The following ADGRF5 variants were observed in gnomAD, a reference collection of about 807,000 sequenced individuals.
ADGRF5 encodes the protein G-protein coupled receptor 116.
A neutral mutation model predicts 132.3 loss-of-function variants in ADGRF5; 75 were observed. The ratio of observed to expected loss-of-function variants is 0.57; its 90% CI spans 0.47 to 0.69. The LOEUF (loss-of-function observed/expected upper bound fraction) is 0.69, where lower values mean the gene tolerates loss of function less well. ADGRF5 is among the 30% of genes least tolerant of loss of function. The pLI is 0.00. For missense variants in ADGRF5, 1,516 were observed against 1,630.6 expected (o/e 0.93, Z 1.21); for synonymous variants, 629 against 597.6 (o/e 1.05, Z -0.77).
chr6:46,920,534 G>GTA (rs1335552137), intron 1 of ADGRF5, among the ~76,000 whole-genome samples: 2 of 100,868 alleles, frequency 2.0e-5, no homozygotes, highest in East Asian at 7.7e-4. Context: ...TTTGGGGGGG[G>GTA]GGAAGAGAGT....
intron 1 of ADGRF5, among the ~76,000 whole-genome samples, chr6:46,938,813 C>T (rs1161066729): frequency 2.6e-5 from 4 of 152,140 alleles, no homozygotes; most frequent in Admixed American, 1.3e-4. Flanking sequence ...TGTTCTACCA[C>T]AGAGTCCTTC....
intron 13 of ADGRF5, among the ~76,000 whole-genome samples, chr6:46,865,571 C>A (rs1217878728): frequency 6.6e-6 from 1 of 152,212 alleles, no homozygotes; most frequent in Non-Finnish European, 1.5e-5. Context: ...CTAGACCATA[C>A]GCTCCTGGAG....
chr6:46,930,043 A>G (rs550882446), intron 1 of ADGRF5, among the ~76,000 whole-genome samples: 4 of 151,680 alleles, frequency 2.6e-5, no homozygotes, highest in Non-Finnish European at 4.4e-5. Context: ...CTGGTCTCGA[A>G]CTCCTGACCT....
chr6:46,899,267 A>T (rs902392233), intron 3 of ADGRF5, among the ~76,000 whole-genome samples: 1 of 152,086 alleles, frequency 6.6e-6, no homozygotes, highest in Admixed American at 6.5e-5. Flanking sequence ...GGAAAGGCAC[A>T]GAAGGCCTGG....
At chr6:46,859,579 G>C (rs776695518) in intron 16 of ADGRF5, 56 bp from the exon 17 acceptor site, 107 of 1,096,538 alleles carry the variant, frequency 9.8e-5, no homozygotes, top group Non-Finnish European at 1.2e-4. Flanking sequence ...TCATAAAAAA[G>C]AAAAAAACAA....
chr6:46,860,165 T>A (rs2150783823), intron 16 of ADGRF5, among the ~76,000 whole-genome samples: 1 of 152,328 alleles, frequency 6.6e-6, no homozygotes, highest in Non-Finnish European at 1.5e-5. Flanking sequence ...GGCTCTGCAC[T>A]GTTTCCTCTT....
chr6:46,938,598 G>T (rs1219023464), intron 1 of ADGRF5, among the ~76,000 whole-genome samples: 1 of 152,166 alleles, frequency 6.6e-6, no homozygotes, highest in East Asian at 1.9e-4. Context: ...AGTGATCACT[G>T]CACTAGGTTG....
chr6:46,856,945 TTA>T (rs1277246211), intron 17 of ADGRF5, 37 bp from the exon 18 acceptor site: 1 of 1,487,972 alleles, frequency 6.7e-7, no homozygotes. Flanking sequence ...TGCATTTTAA[TTA>T]TAGTCTATTG....
chr6:46,884,287 AC>A lies in ADGRF5; in HGVS notation c.329-17del, dbSNP rs1772818586. ...GGTCTGCAGACTATCGTTAATCAGAACAGCAAGGAGAGAGAAGGTGGAGAAG... is the reference window on the plus strand; with the variant it reads ...GGTCTGCAGACTATCGTTAATCAGAAAGCAAGGAGAGAGAAGGTGGAGAAG... On this transcript the variant is annotated splice_polypyrimidine_tract_variant and intron_variant, in intron 4 of 20. Coordinates refer to ENST00000283296, the MANE Select transcript of ADGRF5 (RefSeq NM_001098518.2). 6.2e-7 allele frequency: 1 copy of A among 1,600,344 alleles called. No homozygotes were observed. Among genetic ancestry groups the A allele is most frequent in the African/African-American group, 1.3e-5 (1 of 74,648 alleles).
At chr6:46,915,324 T>A (rs1776335578) in intron 1 of ADGRF5, among the ~76,000 whole-genome samples, 1 of 136,650 alleles carries the variant, frequency 7.3e-6, no homozygotes, top group South Asian at 2.2e-4. Context: ...AATGGACCAA[T>A]CAGAACAATC....
chr6:46,883,684 C>A lies in ADGRF5; in HGVS notation c.506-19G>T, dbSNP rs1361478670. 1 of 1,279,962 alleles carries A rather than the reference C, an allele frequency of 7.8e-7. No individual in the cohort carries two copies. The highest frequency in any genetic ancestry group is 1.1e-6 in the Non-Finnish European group (1 of 899,772). 79.3% of individuals were successfully genotyped at this position (1,279,962 alleles called of 1,614,324 possible). The stretch of plus-strand genomic sequence containing the variant: ...GTAACATCTGTTGAAAAACACAGGG[C>A]AATATTTAAAAATATGTTAATGTCT... On this transcript the variant is annotated intron_variant, in intron 5 of 20. Coordinates refer to ENST00000283296, the MANE Select transcript of ADGRF5 (RefSeq NM_001098518.2).
chr6:46,868,573 G>T (rs1377816063), intron 12 of ADGRF5, among the ~76,000 whole-genome samples: 1 of 152,138 alleles, frequency 6.6e-6, no homozygotes, highest in African/African-American at 2.4e-5. Context: ...ACACTCCCTA[G>T]TGTCTAGTGA....
At chr6:46,893,058 A>ATTTTTTTTTT (rs35014340) in intron 3 of ADGRF5, among the ~76,000 whole-genome samples, 7 of 86,734 alleles carry the variant, frequency 8.1e-5, no homozygotes, top group East Asian at 4.2e-4. Flanking sequence ...GACAACAGGG[A>ATTTTTTTTTT]TTTTTTTTTT....
At position 46,874,600 on chromosome 6, in the gene ADGRF5, A is replaced by G. The variant is rs1476295668; in HGVS notation, c.1241-2587T>C. Among the ~76,000 whole-genome samples, 4 of 152,212 alleles carry G rather than the reference A, an allele frequency of 2.6e-5. No homozygotes were observed. The East Asian group carries it at 7.7e-4, about 29-fold the overall frequency. On this transcript the variant is annotated intron_variant, in intron 10 of 20. Coordinates refer to ENST00000283296, the MANE Select transcript of ADGRF5 (RefSeq NM_001098518.2). ...TAACAGACATTCAGGATTTTAATAG[A>G]TAGAAATGGCGGCTGTAGTTCTGGT...
Position 46,867,042 on chromosome 6 carries a change from C to T in ADGRF5, c.1717G>A (p.Val573Ile), listed in dbSNP as rs762194348. 1.2e-6 allele frequency: 2 copies of T among 1,613,734 alleles called. No individual in the cohort carries two copies. The highest frequency in any genetic ancestry group is 1.7e-5 in the Admixed American group (1 of 60,024). Residue 573 changes from valine to isoleucine, a missense_variant, in exon 13 of 21, where the codon GTT becomes ATT. Physicochemically the swap from Val to Ile is conservative, Grantham distance 29. Coordinates refer to ENST00000283296, the MANE Select transcript of ADGRF5 (RefSeq NM_001098518.2). Reference sequence around the variant, plus strand: ...GAAACAGTAGCTTCCAAAGGATCAACCATGATGTTCAGCTTTAGAGGCAGC... The same window carrying T: ...GAAACAGTAGCTTCCAAAGGATCAATCATGATGTTCAGCTTTAGAGGCAGC... ...HPLPLKLNIM[V>I]DPLEATVSCS...
At position 46,869,077 on chromosome 6, in the gene ADGRF5, G is replaced by T. The variant is rs1388083524; in HGVS notation, c.1427C>A (p.Thr476Asn). The T allele has an allele frequency of 6.2e-7, 1 of 1,613,750 alleles. No homozygotes were observed. ...TFISVANLTI[T>N]PDPISVSEGQ... ...CTCAGAAACAGAAATTGGGTCCGGG[G>T]TTATTGTTAGATTGGCTGAAAAAAA... The change falls in exon 12 of 21, where the codon ACC (threonine) becomes AAC (asparagine). Residue 476 changes from threonine (T) to asparagine (N), a missense_variant. Thr to Asn is a moderately conservative substitution (Grantham distance 65). Transcript: ENST00000283296.
chr6:46,859,405 G>A lies in ADGRF5; in HGVS notation c.2498C>T (p.Ser833Phe). 6.2e-7 allele frequency: 1 copy of A among 1,613,460 alleles called. No homozygotes were observed. Among genetic ancestry groups the A allele is most frequent in the Non-Finnish European group, 8.5e-7 (1 of 1,179,420 alleles). ...GCTATCTCCCGACTGTAATGCTTGGGAAAATCTTTCCACTGAATGTAGTAG... is the reference window on the plus strand; with the variant it reads ...GCTATCTCCCGACTGTAATGCTTGGAAAAATCTTTCCACTGAATGTAGTAG... ...SQLLHSVERFSQALQSGDSPP... is the reference protein window; with the variant it reads ...SQLLHSVERFFQALQSGDSPP... Residue 833 changes from serine (S) to phenylalanine (F), a missense_variant, in exon 17 of 21, where the codon TCC becomes TTC. Ser to Phe is a radical substitution (Grantham distance 155). Coordinates refer to ENST00000283296, the MANE Select transcript of ADGRF5 (RefSeq NM_001098518.2).
chr6:46,889,189 A>G (rs1301602192), intron 3 of ADGRF5, among the ~76,000 whole-genome samples: 1 of 8,306 alleles, frequency 1.2e-4, no homozygotes, highest in Admixed American at 6.4e-4. Context: ...GTGTATACAT[A>G]TATATATATA....
chr6:46,884,106 A>G lies in ADGRF5; in HGVS notation c.494T>C (p.Leu165Pro). 6.2e-7 allele frequency: 1 copy of G among 1,613,692 alleles called. No individual in the cohort carries two copies. Among genetic ancestry groups the G allele is most frequent in the Admixed American group, 1.7e-5 (1 of 59,994 alleles). The stretch of plus-strand genomic sequence containing the variant: ...GAGCAGTTACTTACCTTCCTGAAGC[A>G]GGCAAAAAGGTCCATTGGGAGGCAG... ...KELPPNGPFC[L>P]LQEDVTLNMR... The change falls in exon 5 of 21, where the codon CTG (leucine) becomes CCG (proline). Residue 165 changes from leucine to proline, a missense_variant. Coordinates refer to ENST00000283296, the MANE Select transcript of ADGRF5 (RefSeq NM_001098518.2).
Sources: allele counts gnomAD v4.1 joint callset (sites outside exome capture counted in the v4.1 genomes callset), GRCh38; gene constraint gnomAD v4.1.1; transcripts MANE v1.5; gene names NCBI Gene and HGNC (gene_info 2026-07-23, HGNC 2026-07-21).